SAXO1: variants seen among roughly 807,000 people sequenced by gnomAD.
SAXO1 encodes the protein stabilizer of axonemal microtubules 1.
SAXO1 carries 21 observed loss-of-function variants against 17.5 expected under a neutral mutation model. The observed-to-expected ratio is 1.20, with a 90% CI of 0.85 to 1.72. The LOEUF (loss-of-function observed/expected upper bound fraction) is 1.72, where lower values mean the gene tolerates loss of function less well. SAXO1 is among the 40% of genes most tolerant of loss of function. The pLI is 0.00. For synonymous variants in SAXO1, 274 were observed against 216.5 expected, an observed-to-expected ratio of 1.27 and a Z score of -2.33; for missense variants, 843 against 596.0, an observed-to-expected ratio of 1.41 and a Z score of -4.32.
At chr9:18,977,843 A>T (rs1833210471) in intron 1 of SAXO1, among the ~76,000 whole-genome samples, 1 of 151,898 alleles carries the variant, frequency 6.6e-6, no homozygotes, top group South Asian at 2.1e-4. Context: ...AAAAATACAA[A>T]AATTTACTTG....
In SAXO1 at chr9:18,962,543, G is replaced by A. The variant is rs972106280; in HGVS notation, c.39-11606C>T. Among the ~76,000 whole-genome samples the A allele has an allele frequency of 2.4e-4, 36 of 152,166 alleles. 1 individual carries two copies. Among genetic ancestry groups the A allele is most frequent in the Admixed American group, 2.4e-3 (36 of 15,270 alleles). On this transcript the variant is annotated intron_variant, in intron 1 of 3. Transcript: ENST00000380534. ...TCTGGGTATTAGCCCTTTGTCAGAT[G>A]GACAGATTGCAAAAATGTTCTCCCA...
At chr9:19,008,469 A>G (rs534335147) in intron 1 of SAXO1, among the ~76,000 whole-genome samples, 3 of 152,254 alleles carry the variant, frequency 2.0e-5, no homozygotes, top group Admixed American at 6.5e-5. Flanking sequence ...CAAAATGGCA[A>G]TTTCTGGAAG....
chr9:18,989,707 C>G (rs1833735612), intron 1 of SAXO1, among the ~76,000 whole-genome samples: 1 of 152,180 alleles, frequency 6.6e-6, no homozygotes, highest in East Asian at 1.9e-4. Flanking sequence ...CACTTCAGAC[C>G]ATGTTGAAAT....
chr9:19,027,511 C>G (rs1433499907), intron 1 of SAXO1: 2 of 892,282 alleles, frequency 2.2e-6, no homozygotes, highest in Non-Finnish European at 3.8e-6. Flanking sequence ...AAAAGGGGTG[C>G]TGGCCCCCAG....
Position 18,935,193 on chromosome 9 carries a change from C to G in SAXO1, c.422-6138G>C, listed in dbSNP as rs1463810933. Among the ~76,000 whole-genome samples, 3 of 152,146 alleles carry G rather than the reference C, an allele frequency of 2.0e-5. No homozygotes were observed. In the East Asian group the frequency reaches 5.8e-4, roughly 29 times the overall value. On this transcript the variant is annotated intron_variant, in intron 3 of 3. Transcript: ENST00000380534. Reference sequence around the variant, plus strand: ...CCTCGCAAAGTGCTAGGATTATAGACGTGAGCCACCTTGCCTGACTTCTTA... The same window carrying G: ...CCTCGCAAAGTGCTAGGATTATAGAGGTGAGCCACCTTGCCTGACTTCTTA...
At chr9:18,991,843 G>C (rs1833828328) in intron 1 of SAXO1, among the ~76,000 whole-genome samples, 1 of 152,176 alleles carries the variant, frequency 6.6e-6, no homozygotes, top group Non-Finnish European at 1.5e-5. Context: ...CCTGGTGCCA[G>C]AAAGTTGGAG....
intron 1 of SAXO1, among the ~76,000 whole-genome samples, chr9:19,044,305 C>CA (rs1014760675): frequency 2.2e-4 from 34 of 151,988 alleles, no homozygotes; most frequent in African/African-American, 8.2e-4. Flanking sequence ...AAATTAAAAA[C>CA]AAAAAAAACT....
intron 1 of SAXO1, among the ~76,000 whole-genome samples, chr9:19,014,530 T>C (rs1434483901): frequency 6.7e-6 from 1 of 150,050 alleles, no homozygotes; most frequent in East Asian, 1.9e-4. Context: ...AATTGCCTGA[T>C]AGGAGTTTTA....
At chr9:18,996,283 T>C (rs926964128) in intron 1 of SAXO1, among the ~76,000 whole-genome samples, 1 of 152,184 alleles carries the variant, frequency 6.6e-6, no homozygotes, top group African/African-American at 2.4e-5. Flanking sequence ...TATACAGCCA[T>C]CCACCACTTA....
At chr9:19,041,757 C>T (rs1168180801) in intron 1 of SAXO1, among the ~76,000 whole-genome samples, 1 of 152,160 alleles carries the variant, frequency 6.6e-6, no homozygotes, top group Admixed American at 6.5e-5. Flanking sequence ...AAGAAGGAAA[C>T]TAGACCCCTA....
intron 1 of SAXO1, among the ~76,000 whole-genome samples, chr9:18,980,746 G>C (rs1358624157): frequency 7.9e-6 from 1 of 126,236 alleles, no homozygotes; most frequent in African/African-American, 3.0e-5. Context: ...CACCACATTT[G>C]CTTTGTGGGA....
chr9:19,017,466 G>C (rs1314518901), intron 1 of SAXO1, among the ~76,000 whole-genome samples: 1 of 152,250 alleles, frequency 6.6e-6, no homozygotes, highest in Non-Finnish European at 1.5e-5. Flanking sequence ...GGCAGCACCA[G>C]AGCATGGCCA....
At chr9:19,002,393 A>G (rs1421213855) in intron 1 of SAXO1, among the ~76,000 whole-genome samples, 1 of 152,234 alleles carries the variant, frequency 6.6e-6, no homozygotes, top group Admixed American at 6.5e-5. Flanking sequence ...CACTCTTTCT[A>G]TGAGGCCAGC....
chr9:19,041,432 A>T (rs1205279065), intron 1 of SAXO1, among the ~76,000 whole-genome samples: 1 of 152,190 alleles, frequency 6.6e-6, no homozygotes, highest in Non-Finnish European at 1.5e-5. Flanking sequence ...CTGCGCAGAA[A>T]TAGAAAAAAC....
chr9:19,032,214 T>C (rs930215438), intron 1 of SAXO1, among the ~76,000 whole-genome samples: 6 of 152,020 alleles, frequency 3.9e-5, no homozygotes, highest in African/African-American at 1.2e-4. Context: ...GGGAAGCAGA[T>C]AGAAGGAGCC....
At chr9:19,022,018 C>T (rs191772263) in intron 1 of SAXO1, among the ~76,000 whole-genome samples, 109 of 152,356 alleles carry the variant, frequency 7.2e-4, no homozygotes, top group African/African-American at 2.6e-3. Flanking sequence ...AAGCTTTGTT[C>T]TTTTGCTCTT....
chr9:18,943,190 C>G (rs1831645918), intron 2 of SAXO1, among the ~76,000 whole-genome samples: 1 of 152,218 alleles, frequency 6.6e-6, no homozygotes, highest in African/African-American at 2.4e-5. Flanking sequence ...GAGAATTAGT[C>G]TCTCTAGGGC....
intron 1 of SAXO1, chr9:19,027,516 C>T: frequency 3.3e-6 from 3 of 913,492 alleles, no homozygotes; most frequent in South Asian, 2.6e-5. Flanking sequence ...GGGTGCTGGC[C>T]CCCAGGGACG....
chr9:18,960,118 C>T (rs953704978), intron 1 of SAXO1, among the ~76,000 whole-genome samples: 2 of 152,144 alleles, frequency 1.3e-5, no homozygotes, highest in African/African-American at 4.8e-5. Flanking sequence ...TCCGGCCCCT[C>T]CCCCCTTGGC....
Sources: gnomAD v4.1 joint callset for allele counts (sites outside exome capture counted in the v4.1 genomes callset) on GRCh38, gnomAD v4.1.1 for gene constraint, MANE v1.5 for transcripts, NCBI Gene and HGNC (gene_info 2026-07-23, HGNC 2026-07-21) for gene names.